The following CLASP1 variants were observed in gnomAD, a reference collection of about 807,000 sequenced individuals.
CLASP1 encodes CLIP-associating protein 1.
CLASP1 carries 38 observed loss-of-function variants against 192.3 expected under a neutral mutation model. The observed-to-expected ratio is 0.20, with a 90% CI of 0.15 to 0.26. CLASP1 has a LOEUF of 0.26. CLASP1 is among the 10% of genes least tolerant of loss of function. CLASP1 has a pLI of 1.00. For synonymous variants in CLASP1, 691 were observed against 712.8 expected, an observed-to-expected ratio of 0.97 and a Z score of 0.49; for missense variants, 1,433 against 1,932.5, an observed-to-expected ratio of 0.74 and a Z score of 4.85.
intron 8 of CLASP1, chr2:121,490,334 C>A: frequency 2.2e-6 from 1 of 450,008 alleles, no homozygotes; most frequent in Non-Finnish European, 4.5e-6. Context: ...GCTCTGAAAG[C>A]TATACCTACT....
chr2:121,522,612 G>A (rs2094483105), intron 6 of CLASP1, among the ~76,000 whole-genome samples: 1 of 152,148 alleles, frequency 6.6e-6, no homozygotes, highest in Non-Finnish European at 1.5e-5. Flanking sequence ...GCAGTAAGAT[G>A]TAATCCATTT....
intron 4 of CLASP1, 78 bp downstream of exon 4, chr2:121,528,599 C>T (rs1302791789): frequency 8.3e-6 from 9 of 1,078,846 alleles, no homozygotes; most frequent in Non-Finnish European, 2.9e-6. Flanking sequence ...ACCATTTGTG[C>T]AAGTACACAC....
At chr2:121,592,826 G>T (rs185789193) in intron 2 of CLASP1, among the ~76,000 whole-genome samples, 2 of 152,132 alleles carry the variant, frequency 1.3e-5, no homozygotes, top group East Asian at 3.9e-4. Context: ...CTAATTTTTT[G>T]TATTTTTAGT....
At chr2:121,489,494 T>C (rs1261098375) in intron 8 of CLASP1, among the ~76,000 whole-genome samples, 1 of 152,210 alleles carries the variant, frequency 6.6e-6, no homozygotes, top group Non-Finnish European at 1.5e-5. Context: ...CCTGTTTCAG[T>C]AGAAGAGTCT....
exon 40 of CLASP1, chr2:121,338,950 T>TA (rs1558776564): frequency 6.6e-6 from 1 of 152,402 alleles, no homozygotes; most frequent in East Asian, 1.9e-4. Flanking sequence ...AAAAAAGAAA[T>TA]ACCATTAATG....
intron 17 of CLASP1, 72 bp from the exon 18 acceptor site, chr2:121,448,397 G>T: frequency 7.8e-7 from 1 of 1,273,944 alleles, no homozygotes. Context: ...ACTACAACAG[G>T]AAATTATTAC....
At chr2:121,443,708 T>A (rs1000683546) in intron 19 of CLASP1, among the ~76,000 whole-genome samples, 1 of 152,218 alleles carries the variant, frequency 6.6e-6, no homozygotes, top group Non-Finnish European at 1.5e-5. Flanking sequence ...TCAGATTCTC[T>A]AGTTCCTTCC....
chr2:121,604,779 G>C (rs944585157), intron 2 of CLASP1, among the ~76,000 whole-genome samples: 2 of 152,202 alleles, frequency 1.3e-5, no homozygotes, highest in African/African-American at 4.8e-5. Context: ...GAGCAAAGGA[G>C]TCCTGTGACT....
chr2:121,495,930 C>T (rs1310146292), intron 8 of CLASP1, among the ~76,000 whole-genome samples: 2 of 152,310 alleles, frequency 1.3e-5, no homozygotes, highest in Non-Finnish European at 2.9e-5. Flanking sequence ...GTGTTCACTC[C>T]ATTTTACAGA....
rs1156229823 is a variant in CLASP1 at position 121,511,524 on chromosome 2, G to GT, written c.644+4140dup. Among the ~76,000 whole-genome samples, 54 of 151,638 alleles carry GT rather than the reference G, an allele frequency of 3.6e-4. 2 individuals are homozygous for GT. Among genetic ancestry groups the GT allele is most frequent in the Non-Finnish European group, 5.9e-5 (4 of 67,956 alleles). On this transcript the variant is annotated intron_variant, in intron 7 of 39. Transcript: ENST00000263710. ...AATCAGTTGAACCCAGGAGGTGGAG[G>GT]TTGCAGTGAGCCAAGATCACACCAC... is the stretch of plus-strand genomic sequence containing the variant.
chr2:121,386,326 A>G (rs1574153399), intron 32 of CLASP1, among the ~76,000 whole-genome samples: 1 of 152,282 alleles, frequency 6.6e-6, no homozygotes, highest in East Asian at 1.9e-4. Flanking sequence ...AGTGATCCCA[A>G]AGAGTTAATC....
At chr2:121,352,656 T>A (rs1223713571) in intron 37 of CLASP1, among the ~76,000 whole-genome samples, 1 of 152,190 alleles carries the variant, frequency 6.6e-6, no homozygotes. Context: ...AAATGAGGAT[T>A]TTATTTTTAA....
At chr2:121,470,075 A>C in intron 8 of CLASP1, 115 bp from the exon 9 acceptor site, 1 of 877,290 alleles carries the variant, frequency 1.1e-6, no homozygotes, top group Non-Finnish European at 1.7e-6. Flanking sequence ...GATTCTGCAT[A>C]CTCTTTTGGA....
At chr2:121,445,277 C>A (rs535847675) in intron 19 of CLASP1, among the ~76,000 whole-genome samples, 1 of 152,192 alleles carries the variant, frequency 6.6e-6, no homozygotes, top group Non-Finnish European at 1.5e-5. Flanking sequence ...CTTAAGAGTT[C>A]CTTTTTCTTG....
chr2:121,440,484 G>C (rs1334961635), intron 19 of CLASP1, among the ~76,000 whole-genome samples: 1 of 152,222 alleles, frequency 6.6e-6, no homozygotes, highest in African/African-American at 2.4e-5. Context: ...AGGGTCACTT[G>C]AGTCCAGGAG....
intron 34 of CLASP1, 49 bp from the exon 36 acceptor site, chr2:121,367,880 T>C (rs1285075382): frequency 1.3e-6 from 2 of 1,593,154 alleles, no homozygotes; most frequent in East Asian, 2.2e-5. Context: ...GTAATGGACA[T>C]TTCCTTTGAA....
At chr2:121,445,608 C>T (rs1171848696) in intron 19 of CLASP1, 2 of 495,476 alleles carry the variant, frequency 4.0e-6, no homozygotes, top group Non-Finnish European at 6.8e-6. Context: ...TGCTATATTT[C>T]AATTTTTTGG....
intron 2 of CLASP1, among the ~76,000 whole-genome samples, chr2:121,583,733 G>T (rs1201096756): frequency 6.6e-6 from 1 of 152,100 alleles, no homozygotes; most frequent in African/African-American, 2.4e-5. Flanking sequence ...TCACTGCTAT[G>T]GTGTGGATGT....
At chr2:121,605,762 G>C (rs1276114937) in exon 2 of CLASP1, 3 of 1,613,872 alleles carry the variant, frequency 1.9e-6, no homozygotes, top group Admixed American at 1.7e-5. Context: ...ATCTAACATG[G>C]TCTGGTCATG....
Sources: gnomAD v4.1 joint callset for allele counts (sites outside exome capture counted in the v4.1 genomes callset) on GRCh38, gnomAD v4.1.1 for gene constraint, MANE v1.5 for transcripts, NCBI Gene and HGNC (gene_info 2026-07-23, HGNC 2026-07-21) for gene names.